The following SMOC1 variants were observed in gnomAD, a reference collection of about 807,000 sequenced individuals.
SMOC1 encodes the protein SPARC-related modular calcium-binding protein 1.
Under a neutral mutation model 56.3 loss-of-function variants are expected in SMOC1, and 22 were observed. The observed-to-expected ratio is 0.39, with a 90% CI of 0.28 to 0.56. SMOC1 has a LOEUF of 0.56. Among genes scored for constraint, SMOC1 ranks in the 20% least tolerant of loss-of-function variants. The probability of loss-of-function intolerance (pLI) is 0.61; values close to 1 mark genes in which losing one functional copy is unlikely to be tolerated. For synonymous variants in SMOC1, 193 were observed against 215.0 expected (o/e 0.90, Z 0.89); for missense variants, 509 against 565.4 (o/e 0.90, Z 1.01).
At chr14:69,992,963 T>C (rs572433019) in intron 6 of SMOC1, among the ~76,000 whole-genome samples, 85 of 152,372 alleles carry the variant, frequency 5.6e-4, no homozygotes, top group African/African-American at 1.9e-3. Context: ...TCCGTTCTTA[T>C]TGTCATAGAC....
At chr14:69,942,491 AT>A (rs1449690144) in intron 1 of SMOC1, among the ~76,000 whole-genome samples, 3 of 152,182 alleles carry the variant, frequency 2.0e-5, no homozygotes, top group Admixed American at 6.5e-5. Context: ...ATTTTAACAA[AT>A]TTATATAGTT....
chr14:69,880,757 T>G (rs1029587595), intron 1 of SMOC1, among the ~76,000 whole-genome samples: 4 of 152,258 alleles, frequency 2.6e-5, no homozygotes, highest in Admixed American at 2.0e-4. Context: ...CTAGGATCTT[T>G]GTGAAAACAA....
At chr14:69,973,032 G>A (rs1455965663) in intron 3 of SMOC1, among the ~76,000 whole-genome samples, 1 of 152,228 alleles carries the variant, frequency 6.6e-6, no homozygotes, top group Non-Finnish European at 1.5e-5. Flanking sequence ...CAGCTCCTGG[G>A]ACATGTTTCC....
chr14:69,879,806 C>T (rs1034398010), intron 1 of SMOC1, 29 bp downstream of exon 1: 2 of 1,559,420 alleles, frequency 1.3e-6, no homozygotes, highest in African/African-American at 1.4e-5. Flanking sequence ...TTGCGCCCAC[C>T]TGCGGAGGGA....
intron 1 of SMOC1, among the ~76,000 whole-genome samples, chr14:69,882,760 G>A (rs1489680109): frequency 6.6e-6 from 1 of 152,224 alleles, no homozygotes; most frequent in East Asian, 1.9e-4. Context: ...GGAAAGCTGG[G>A]TGAAGGCAGG....
chr14:70,010,745 C>T lies in SMOC1; in HGVS notation c.665-9C>T. 2 of 1,614,142 alleles carry T rather than the reference C, an allele frequency of 1.2e-6. No individual in the cohort carries two copies. Among genetic ancestry groups the T allele is most frequent in the East Asian group, 4.5e-5 (2 of 44,878 alleles). On this transcript the variant is annotated splice_polypyrimidine_tract_variant and intron_variant, in intron 7 of 11. Coordinates refer to ENST00000361956, the MANE Select transcript of SMOC1 (RefSeq NM_001034852.3). The stretch of plus-strand genomic sequence containing the variant: ...TGATAGTCACCACAGGCTGTGTCTT[C>T]TCTTGCAGAGAAAGTCTATTCGTGT...
At chr14:69,941,419 G>A (rs903742203) in intron 1 of SMOC1, among the ~76,000 whole-genome samples, 22 of 152,144 alleles carry the variant, frequency 1.4e-4, no homozygotes, top group African/African-American at 4.6e-4. Flanking sequence ...CTGCTGATGG[G>A]TTTGCTAAGC....
At chr14:69,941,411 G>A (rs1882556571) in intron 1 of SMOC1, among the ~76,000 whole-genome samples, 2 of 152,162 alleles carry the variant, frequency 1.3e-5, no homozygotes, top group Admixed American at 1.3e-4. Context: ...CTTGGGGGCT[G>A]CTGATGGGTT....
chr14:69,879,600 GA>G lies in SMOC1; in HGVS notation c.-77del. ...GCCGCCGCGAGGGCCCCGAGCGAAGGAAGGAAGGGAGGCGCGCTGTGCGCCC... is the reference window on the plus strand; with the variant it reads ...GCCGCCGCGAGGGCCCCGAGCGAAGGAGGAAGGGAGGCGCGCTGTGCGCCC... On this transcript the variant is annotated 5_prime_UTR_variant, in exon 1 of 12. Coordinates refer to ENST00000361956, the MANE Select transcript of SMOC1 (RefSeq NM_001034852.3). 8.5e-7 allele frequency: 1 copy of G among 1,170,090 alleles called. No homozygotes were observed. Among genetic ancestry groups the G allele is most frequent in the Non-Finnish European group, 1.1e-6 (1 of 898,890 alleles). 72.5% of individuals were successfully genotyped at this position (1,170,090 alleles called of 1,614,324 possible). A position where few individuals can be genotyped will look rare whatever the true frequency, so the allele number is the denominator to read the frequency against.
intron 1 of SMOC1, among the ~76,000 whole-genome samples, chr14:69,947,376 C>G (rs1042663476): frequency 9.9e-5 from 15 of 152,002 alleles, no homozygotes; most frequent in African/African-American, 3.4e-4. Context: ...CTCTCTGTTG[C>G]CCAGGCTGGT....
rs1885482 is a variant in SMOC1 at position 70,013,498 on chromosome 14, T to A, written c.1046+7T>A. ...CGCCCACTGGAGGTGGGAGGTGAGATTGTGAGCAGGAATCAGGCCCAGGAG... is the reference window on the plus strand; with the variant it reads ...CGCCCACTGGAGGTGGGAGGTGAGAATGTGAGCAGGAATCAGGCCCAGGAG... On this transcript the variant is annotated splice_region_variant and intron_variant, in intron 10 of 11. Coordinates refer to ENST00000361956, the MANE Select transcript of SMOC1 (RefSeq NM_001034852.3). The A allele has an allele frequency of 0.16, 264,231 of 1,612,844 alleles. 23,863 individuals carry two copies. The highest frequency in any genetic ancestry group is 0.31 in the African/African-American group (23,276 of 74,874).
chr14:70,030,211 T>TC (rs1276958464), intron 11 of SMOC1, 31 bp from the exon 12 acceptor site: 1 of 1,598,380 alleles, frequency 6.3e-7, no homozygotes, highest in East Asian at 2.2e-5. Context: ...CCTTTTTTTT[T>TC]TTTTTTTTGC....
At chr14:69,906,340 C>T (rs979697297) in intron 1 of SMOC1, among the ~76,000 whole-genome samples, 1 of 152,218 alleles carries the variant, frequency 6.6e-6, no homozygotes, top group Non-Finnish European at 1.5e-5. Context: ...ATGTAAGAAT[C>T]AGAGGCTGCC....
chr14:69,894,467 T>C (rs1430512608), intron 1 of SMOC1, among the ~76,000 whole-genome samples: 5 of 152,200 alleles, frequency 3.3e-5, no homozygotes, highest in African/African-American at 1.2e-4. Flanking sequence ...GACCAATCAC[T>C]GTGGCAGCGG....
intron 3 of SMOC1, among the ~76,000 whole-genome samples, chr14:69,964,686 C>A (rs1883503408): frequency 6.6e-6 from 1 of 152,134 alleles, no homozygotes; most frequent in Non-Finnish European, 1.5e-5. Flanking sequence ...TAATCATCAT[C>A]ATCAACAACA....
chr14:69,905,609 A>C (rs1046677876), intron 1 of SMOC1, among the ~76,000 whole-genome samples: 6 of 152,208 alleles, frequency 3.9e-5, no homozygotes, highest in Non-Finnish European at 8.8e-5. Context: ...TTAATTACAA[A>C]AACCCACCTA....
At chr14:69,966,635 C>T (rs1883587784) in intron 3 of SMOC1, among the ~76,000 whole-genome samples, 1 of 152,184 alleles carries the variant, frequency 6.6e-6, no homozygotes, top group Non-Finnish European at 1.5e-5. Context: ...CCCAAGTAGT[C>T]TTCCACCTTC....
intron 1 of SMOC1, among the ~76,000 whole-genome samples, chr14:69,937,748 G>A (rs977148957): frequency 5.9e-5 from 9 of 152,172 alleles, no homozygotes; most frequent in Non-Finnish European, 1.3e-4. Context: ...TTGTGTGTGT[G>A]TTTGAGGGTA....
chr14:69,995,969 C>G (rs531095417), intron 7 of SMOC1, among the ~76,000 whole-genome samples: 2 of 151,988 alleles, frequency 1.3e-5, no homozygotes, highest in Admixed American at 6.6e-5. Flanking sequence ...TACCTGGTGC[C>G]GGAAGTAACA....
Sources: allele counts gnomAD v4.1 joint callset (sites outside exome capture counted in the v4.1 genomes callset), GRCh38; gene constraint gnomAD v4.1.1; transcripts MANE v1.5; gene names NCBI Gene and HGNC (gene_info 2026-07-23, HGNC 2026-07-21).